The following LINGO2 variants were observed in gnomAD, a reference collection of about 807,000 sequenced individuals.
LINGO2 encodes leucine rich repeat and Ig domain containing 2, also known as leucine-rich repeat and immunoglobulin-like domain-containing nogo receptor-interacting protein 2.
Under a neutral mutation model 30.6 loss-of-function variants are expected in LINGO2, and 14 were observed. The ratio of observed to expected loss-of-function variants is 0.46; its 90% confidence interval spans 0.30 to 0.72. LINGO2 has a LOEUF of 0.72. Among genes scored for constraint, LINGO2 ranks in the 30% least tolerant of loss-of-function variants. LINGO2 has a pLI of 0.07. For synonymous variants in LINGO2, 317 were observed against 288.5 expected, an observed-to-expected ratio of 1.10 and a Z score of -1.00; for missense variants, 729 against 751.7, an observed-to-expected ratio of 0.97 and a Z score of 0.35.
the LINGO2 span, among the ~76,000 whole-genome samples, chr9:28,939,179 A>G: frequency 1.5e-5 from 1 of 65,806 alleles, no homozygotes; most frequent in African/African-American, 4.8e-5. Flanking sequence ...AAGGCTACTT[A>G]AGCTACTTAA....
the LINGO2 span, among the ~76,000 whole-genome samples, chr9:28,762,005 C>CT: frequency 5.3e-5 from 8 of 151,602 alleles, no homozygotes; most frequent in East Asian, 5.8e-4. Flanking sequence ...TCATAAAATC[C>CT]TTTTTTTCCC....
intron 1 of LINGO2, among the ~76,000 whole-genome samples, chr9:28,602,785 A>G (rs532856774): frequency 6.0e-4 from 91 of 152,190 alleles, no homozygotes; most frequent in African/African-American, 2.2e-3. Flanking sequence ...AGGCTGAATG[A>G]CAATTTAAAA....
At chr9:28,143,893 CT>C (rs34925741) in intron 4 of LINGO2, among the ~76,000 whole-genome samples, 36,419 of 151,844 alleles carry the variant, frequency 0.24, 4,421 homozygotes, top group Non-Finnish European at 0.26. Flanking sequence ...ATTATTAGAT[CT>C]TTTTGGTTAT....
At chr9:28,278,549 G>A (rs1246276645) in intron 4 of LINGO2, among the ~76,000 whole-genome samples, 1 of 152,086 alleles carries the variant, frequency 6.6e-6, no homozygotes, top group East Asian at 1.9e-4. Context: ...AATCTACTCT[G>A]CCTCTGTGAA....
At chr9:27,977,975 T>C (rs1469264770) in intron 5 of LINGO2, among the ~76,000 whole-genome samples, 2 of 152,030 alleles carry the variant, frequency 1.3e-5, no homozygotes, top group South Asian at 2.1e-4. Context: ...CAGGCTTCAA[T>C]GAAAACATCA....
intron 2 of LINGO2, among the ~76,000 whole-genome samples, chr9:28,383,460 C>G (rs1821441324): frequency 6.6e-6 from 1 of 151,998 alleles, no homozygotes; most frequent in African/African-American, 2.4e-5. Flanking sequence ...GGCCAACATG[C>G]TGAAGGCAGT....
At chr9:28,711,742 G>T in the LINGO2 span, among the ~76,000 whole-genome samples, 1 of 151,968 alleles carries the variant, frequency 6.6e-6, no homozygotes, top group South Asian at 2.1e-4. Context: ...TCCTCATCTA[G>T]AAATAAAAAC....
At chr9:29,068,473 G>T in the LINGO2 span, among the ~76,000 whole-genome samples, 1 of 151,810 alleles carries the variant, frequency 6.6e-6, no homozygotes, top group Admixed American at 6.6e-5. Context: ...GGTACAGAAA[G>T]CTTTCAATGT....
At chr9:28,537,916 A>C (rs2135450123) in intron 1 of LINGO2, among the ~76,000 whole-genome samples, 1 of 152,158 alleles carries the variant, frequency 6.6e-6, no homozygotes, top group Admixed American at 6.5e-5. Context: ...AAATAAAAAT[A>C]ATCCAAACTT....
At chr9:28,839,756 C>G in the LINGO2 span, among the ~76,000 whole-genome samples, 8 of 152,152 alleles carry the variant, frequency 5.3e-5, no homozygotes, top group Non-Finnish European at 8.8e-5. Context: ...TGGCAGTCCG[C>G]CCCCAAGGCT....
At chr9:28,679,249 C>A in the LINGO2 span, among the ~76,000 whole-genome samples, 2 of 152,006 alleles carry the variant, frequency 1.3e-5, no homozygotes, top group Non-Finnish European at 2.9e-5. Flanking sequence ...TTAAAGAAAT[C>A]TTTTCACCAT....
At chr9:28,881,388 T>G in the LINGO2 span, among the ~76,000 whole-genome samples, 2 of 152,100 alleles carry the variant, frequency 1.3e-5, no homozygotes, top group Non-Finnish European at 2.9e-5. Flanking sequence ...CCTCCCAAAG[T>G]GCTGGAATTA....
At chr9:29,056,375 T>C in the LINGO2 span, among the ~76,000 whole-genome samples, 1 of 152,222 alleles carries the variant, frequency 6.6e-6, no homozygotes, top group Non-Finnish European at 1.5e-5. Flanking sequence ...CACATATTTG[T>C]TGGCCATTTG....
At chr9:29,161,386 G>A in the LINGO2 span, among the ~76,000 whole-genome samples, 4 of 152,184 alleles carry the variant, frequency 2.6e-5, no homozygotes, top group African/African-American at 9.7e-5. Context: ...CTGATCCCAA[G>A]CAGGCATAGT....
chr9:28,328,402 C>A (rs1288567635), intron 3 of LINGO2, among the ~76,000 whole-genome samples: 2 of 151,996 alleles, frequency 1.3e-5, no homozygotes, highest in Non-Finnish European at 2.9e-5. Context: ...AAATGAATAG[C>A]AGAAGAAATA....
intron 4 of LINGO2, among the ~76,000 whole-genome samples, chr9:28,211,589 T>C (rs926350781): frequency 6.6e-6 from 1 of 151,508 alleles, no homozygotes; most frequent in African/African-American, 2.4e-5. Flanking sequence ...GACAGAGTTA[T>C]ACTTTTTAAA....
the LINGO2 span, among the ~76,000 whole-genome samples, chr9:28,949,665 G>A: frequency 3.3e-5 from 5 of 152,162 alleles, no homozygotes; most frequent in Non-Finnish European, 5.9e-5. Flanking sequence ...ATTCACAGCC[G>A]AATTCTACCA....
the LINGO2 span, among the ~76,000 whole-genome samples, chr9:29,011,861 G>T: frequency 6.6e-6 from 1 of 152,222 alleles, no homozygotes; most frequent in South Asian, 2.1e-4. Flanking sequence ...TATTAGCTAA[G>T]AAACAGAAAA....
At chr9:29,016,056 C>T in the LINGO2 span, among the ~76,000 whole-genome samples, 1 of 152,130 alleles carries the variant, frequency 6.6e-6, no homozygotes, top group East Asian at 1.9e-4. Flanking sequence ...TCAAGGTATT[C>T]ATTTCAGTAA....
Sources: allele counts gnomAD v4.1 joint callset (sites outside exome capture counted in the v4.1 genomes callset), GRCh38; gene constraint gnomAD v4.1.1; transcripts MANE v1.5; gene names NCBI Gene and HGNC (gene_info 2026-07-23, HGNC 2026-07-21).